Variants in HINT3 observed in about 807,000 individuals in gnomAD.
The protein encoded by HINT3 is adenosine 5'-monophosphoramidase HINT3.
In HINT3, 16 loss-of-function variants were observed where a neutral mutation model predicts 19.1. The observed-to-expected ratio is 0.84, with a 90% CI of 0.57 to 1.27. The LOEUF (loss-of-function observed/expected upper bound fraction) is 1.27. Ranked by LOEUF, HINT3 falls within the 50% of genes most tolerant of loss-of-function variation. The pLI is 0.00. For missense variants in HINT3, 197 were observed against 225.8 expected (o/e 0.87, Z 0.82); for synonymous variants, 75 against 84.8 (o/e 0.88, Z 0.63).
chr6:125,958,041 C>T lies in HINT3; in HGVS notation c.201+863C>T, dbSNP rs373013862. Among the ~76,000 whole-genome samples the T allele has an allele frequency of 1.2e-3, 178 of 152,188 alleles. 3 individuals are homozygous for T. In the South Asian group the frequency reaches 0.034, roughly 29 times the overall value. ...GAGGAGGTAGCCAGTTACAATGCCT[C>T]GTGCTGTGGTCAGGTGATTTTACAG... is the stretch of plus-strand genomic sequence containing the variant. On this transcript the variant is annotated intron_variant, in intron 1 of 4. Transcript: ENST00000229633.
chr6:125,976,877 G>T (rs1206951916), intron 4 of HINT3, among the ~76,000 whole-genome samples: 1 of 152,078 alleles, frequency 6.6e-6, no homozygotes, highest in African/African-American at 2.4e-5. Context: ...GTAACTCACA[G>T]ACTTTAGTTT....
rs1166879336 is a variant in HINT3 at position 125,977,628 on chromosome 6, T to C, written c.517-16T>C. 7.3e-7 allele frequency: 1 copy of C among 1,374,912 alleles called. No individual in the cohort carries two copies. Among genetic ancestry groups the C allele is most frequent in the Non-Finnish European group, 1.0e-6 (1 of 994,292 alleles). The allele number at this position is 1,374,912 out of a possible 1,614,324, so 85.2% of individuals were successfully genotyped here. ...CTATGATATCTAGAATTAAAAAGTA[T>C]GTTTTTTAATTACAGGCTGATCACT... is the stretch of plus-strand genomic sequence containing the variant. On this transcript the variant is annotated splice_polypyrimidine_tract_variant and intron_variant, in intron 4 of 4. Transcript: ENST00000229633.
intron 1 of HINT3, among the ~76,000 whole-genome samples, chr6:125,957,608 A>G (rs1788859654): frequency 1.3e-5 from 2 of 152,228 alleles, no homozygotes; most frequent in African/African-American, 2.4e-5. Context: ...ACCGATACTG[A>G]TGAGAAAACT....
intron 1 of HINT3, among the ~76,000 whole-genome samples, chr6:125,962,788 T>C (rs1364470959): frequency 6.6e-6 from 1 of 152,040 alleles, no homozygotes; most frequent in African/African-American, 2.4e-5. Flanking sequence ...ATGGGGCAGA[T>C]GACACTCCCA....
chr6:125,969,085 G>A (rs1239255059), intron 2 of HINT3, among the ~76,000 whole-genome samples: 3 of 152,106 alleles, frequency 2.0e-5, no homozygotes, highest in Non-Finnish European at 4.4e-5. Context: ...TCCCAAGGCT[G>A]ATGTCCAGAA....
intron 2 of HINT3, among the ~76,000 whole-genome samples, chr6:125,970,311 C>A (rs1789080456): frequency 6.6e-6 from 1 of 152,082 alleles, no homozygotes; most frequent in Non-Finnish European, 1.5e-5. Flanking sequence ...ACAATTAGAT[C>A]CAATTTAGAT....
At position 125,965,049 on chromosome 6, in the gene HINT3, T is replaced by A. The variant is rs1049916996; in HGVS notation, c.202-1838T>A. On this transcript the variant is annotated intron_variant, in intron 1 of 4. Coordinates refer to ENST00000229633, the MANE Select transcript of HINT3 (RefSeq NM_138571.5). ...GTAGTTTTTATTAGGATTGGGATTG[T>A]GTAATTAATTAAGATTGGGAAAATA... is the stretch of plus-strand genomic sequence containing the variant. Among the ~76,000 whole-genome samples the A allele has an allele frequency of 5.3e-5, 8 of 152,330 alleles. No homozygotes were observed. The Middle Eastern group carries it at 0.01, about 194-fold the overall frequency.
chr6:125,976,689 A>G (rs1484801561), intron 4 of HINT3, among the ~76,000 whole-genome samples: 2 of 152,014 alleles, frequency 1.3e-5, no homozygotes, highest in Non-Finnish European at 2.9e-5. Flanking sequence ...CTTGGAAAAC[A>G]TCTTATAAAA....
At chr6:125,968,062 T>C (rs2128711392) in intron 2 of HINT3, among the ~76,000 whole-genome samples, 1 of 152,358 alleles carries the variant, frequency 6.6e-6, no homozygotes, top group South Asian at 2.1e-4. Flanking sequence ...GTTTATTACG[T>C]GGGTATATTG....
chr6:125,978,939 ACATT>A lies in HINT3; in HGVS notation c.*1266_*1269del, dbSNP rs1026040113. On this transcript the variant is annotated 3_prime_UTR_variant, in exon 5 of 5. Transcript: ENST00000229633. ...TCAGGAAATAAAGAACTAAAAATGG[ACATT>A]CAGACTGCAATTGCTAGTACAGGGG... The A allele has an allele frequency of 6.6e-6, 1 of 152,192 alleles. No individual in the cohort carries two copies. The highest frequency in any genetic ancestry group is 1.5e-5 in the Non-Finnish European group (1 of 68,032). 9.4% of individuals were successfully genotyped at this position (152,192 alleles called of 1,614,324 possible). A position where few individuals can be genotyped will look rare whatever the true frequency, so the allele number is the denominator to read the frequency against.
Position 125,980,041 on chromosome 6 carries a change from T to G in HINT3, c.*2365T>G, listed in dbSNP as rs1372136510. The G allele has an allele frequency of 6.6e-6, 1 of 152,184 alleles. No individual in the cohort carries two copies. The highest frequency in any genetic ancestry group is 1.5e-5 in the Non-Finnish European group (1 of 68,032). 9.4% of individuals were successfully genotyped at this position (152,184 alleles called of 1,614,324 possible). On this transcript the variant is annotated 3_prime_UTR_variant, in exon 5 of 5. Transcript: ENST00000229633. ...TACAATTAATATCCATTTAGCCTTTTCAGTAGTCTAAATATTTGGTAACTC... is the reference window on the plus strand; with the variant it reads ...TACAATTAATATCCATTTAGCCTTTGCAGTAGTCTAAATATTTGGTAACTC...
intron 1 of HINT3, among the ~76,000 whole-genome samples, chr6:125,965,964 C>G (rs1222747170): frequency 1.3e-5 from 2 of 152,106 alleles, no homozygotes; most frequent in African/African-American, 4.8e-5. Context: ...ATATGACGCA[C>G]TTGTTTGAAT....
chr6:125,964,799 GTATCTA>G (rs1296482367), intron 1 of HINT3, among the ~76,000 whole-genome samples: 1 of 151,216 alleles, frequency 6.6e-6, no homozygotes, highest in Non-Finnish European at 1.5e-5. Flanking sequence ...TTTTGCCAGC[GTATCTA>G]TGGAATAGGA....
intron 1 of HINT3, among the ~76,000 whole-genome samples, chr6:125,965,259 A>G (rs1284765757): frequency 6.6e-6 from 1 of 152,172 alleles, no homozygotes; most frequent in Non-Finnish European, 1.5e-5. Context: ...GTTAATCTAA[A>G]GAAGTGTCAT....
At chr6:125,958,268 T>C (rs1413963068) in intron 1 of HINT3, among the ~76,000 whole-genome samples, 1 of 151,586 alleles carries the variant, frequency 6.6e-6, no homozygotes, top group Non-Finnish European at 1.5e-5. Context: ...AACTAGTGCA[T>C]AGAGTTTGAG....
intron 4 of HINT3, 48 bp downstream of exon 4, chr6:125,975,021 C>A: frequency 2.5e-6 from 4 of 1,584,974 alleles, no homozygotes; most frequent in Non-Finnish European, 3.4e-6. Flanking sequence ...TTTAAAATAT[C>A]CTTTTCATTG....
Position 125,956,817 on chromosome 6 carries a change from T to A in HINT3, c.-161T>A. On this transcript the variant is annotated 5_prime_UTR_variant, in exon 1 of 5. Coordinates refer to ENST00000229633, the MANE Select transcript of HINT3 (RefSeq NM_138571.5). ...GGCCGGCCTCCGGCTTTGAAGTTCCTCACCGCGTCTCCTTCCCTCTCCCCA... is the reference window on the plus strand; with the variant it reads ...GGCCGGCCTCCGGCTTTGAAGTTCCACACCGCGTCTCCTTCCCTCTCCCCA... 1.3e-6 allele frequency: 1 copy of A among 766,534 alleles called. No individual in the cohort carries two copies. 47.5% of individuals were successfully genotyped at this position (766,534 alleles called of 1,614,324 possible).
At chr6:125,972,463 T>G (rs1447750696) in intron 3 of HINT3, 135 bp downstream of exon 3, 2 of 537,808 alleles carry the variant, frequency 3.7e-6, no homozygotes, top group East Asian at 3.3e-5. Flanking sequence ...GAGAATATAG[T>G]TCATTGGTAG....
At chr6:125,958,672 C>T (rs1788874404) in intron 1 of HINT3, among the ~76,000 whole-genome samples, 1 of 152,160 alleles carries the variant, frequency 6.6e-6, no homozygotes, top group Admixed American at 6.5e-5. Flanking sequence ...CAACTGGGGG[C>T]AATTTTGCCC....
Sources: allele counts gnomAD v4.1 joint callset (sites outside exome capture counted in the v4.1 genomes callset), GRCh38; gene constraint gnomAD v4.1.1; transcripts MANE v1.5; gene names NCBI Gene and HGNC (gene_info 2026-07-23, HGNC 2026-07-21).